The following LTBP4 variants were observed in gnomAD, a reference collection of about 807,000 sequenced individuals.
LTBP4 encodes latent-transforming growth factor beta-binding protein 4.
A neutral mutation model predicts 180.2 loss-of-function variants in LTBP4; 93 were observed. The observed-to-expected ratio is 0.52, with a 90% confidence interval of 0.44 to 0.61. The LOEUF (loss-of-function observed/expected upper bound fraction) is 0.61. Among genes scored for constraint, LTBP4 ranks in the 20% least tolerant of loss-of-function variants. The pLI is 0.00. For synonymous variants in LTBP4, 947 were observed against 934.5 expected (o/e 1.01, Z -0.24); for missense variants, 2,116 against 2,256.5 (o/e 0.94, Z 1.26).
chr19:40,607,569 A>C (rs1306693729), intron 7 of LTBP4, 40 bp downstream of exon 7: 2 of 1,550,454 alleles, frequency 1.3e-6, no homozygotes, highest in East Asian at 4.7e-5. Flanking sequence ...CGCGCAACAC[A>C]TGTGGCGCTC....
At chr19:40,599,622 G>A, upstream of LTBP4, 1 of 1,496,372 alleles carries the variant, frequency 6.7e-7, no homozygotes, top group Non-Finnish European at 9.1e-7. Context: ...CCCCGTTTCC[G>A]CTCCTCCTCC....
In LTBP4 at chr19:40,611,061, G is replaced by A; in HGVS notation, c.1811-91G>A. 2 of 1,545,666 alleles carry A rather than the reference G, an allele frequency of 1.3e-6. No individual in the cohort carries two copies. The highest frequency in any genetic ancestry group is 1.8e-6 in the Non-Finnish European group (2 of 1,127,654). The stretch of plus-strand genomic sequence containing the variant: ...AAGGAGGAATAGAGATGGGGTCACG[G>A]GGACAGAATGTTGGAGGGTGGAAAG... On this transcript the variant is annotated intron_variant, in intron 12 of 29. Transcript: ENST00000396819. The surrounding 1 kb of genome is among the most constrained non-coding windows in gnomAD (Gnocchi z 4.4).
chr19:40,624,164 C>T (rs2081608204), intron 26 of LTBP4, 82 bp downstream of exon 26: 1 of 1,427,202 alleles, frequency 7.0e-7, no homozygotes, highest in South Asian at 1.4e-5. Context: ...TTGCGACGGC[C>T]ACGCCCTCCG....
intron 21 of LTBP4, among the ~76,000 whole-genome samples, chr19:40,617,608 C>T (rs2081559488): frequency 6.8e-6 from 1 of 146,884 alleles, no homozygotes; most frequent in Non-Finnish European, 1.5e-5. Flanking sequence ...TGTGCAATTG[C>T]ACTCCAGCCT....
At chr19:40,608,092 C>G in intron 7 of LTBP4, 128 bp from the exon 8 acceptor site, 1 of 985,464 alleles carries the variant, frequency 1.0e-6, no homozygotes, top group Non-Finnish European at 1.5e-6. Context: ...CACCCCATCC[C>G]AGCCTCCAGC....
Position 40,611,220 on chromosome 19 carries a change from T to G in LTBP4, c.1879T>G (p.Phe627Val). ...GGCCTGCAAGAACCTGCCTGGCTCT[T>G]TCCGCTGTGTTTGCCCGGCTGGCTT... ...RGACKNLPGS[F>V]RCVCPAGFRG... Residue 627 changes from phenylalanine to valine, a missense_variant, in exon 13 of 30, where the codon TTC becomes GTC. This residue lies in a region of LTBP4 where 877 missense variants were observed against 873.6 expected (regional missense o/e 1.00). Coordinates refer to ENST00000396819, the MANE Select transcript of LTBP4 (RefSeq NM_001042545.2). This position sits in a 1 kb window ranked among gnomAD's most constrained non-coding sequence, Gnocchi z 4.4. 6.2e-7 allele frequency: 1 copy of G among 1,613,694 alleles called. No individual in the cohort carries two copies. The highest frequency in any genetic ancestry group is 8.5e-7 in the Non-Finnish European group (1 of 1,179,802).
intron 6 of LTBP4, among the ~76,000 whole-genome samples, chr19:40,607,014 G>C (rs2081467628): frequency 6.6e-6 from 1 of 152,180 alleles, no homozygotes; most frequent in African/African-American, 2.4e-5. Flanking sequence ...GCCTCCCAAA[G>C]TGCTGGGATT....
chr19:40,622,297 C>T lies in LTBP4; in HGVS notation c.3218-104C>T. ...GTCTGGTTCTGCCACTGATGGCTGC[C>T]ACCCTCTGTTTCCCTATCTATGCCA... is the stretch of plus-strand genomic sequence containing the variant. On this transcript the variant is annotated intron_variant, in intron 22 of 29. Coordinates refer to ENST00000396819, the MANE Select transcript of LTBP4 (RefSeq NM_001042545.2). This position sits in a 1 kb window ranked among gnomAD's most constrained non-coding sequence, Gnocchi z 5.1. The T allele has an allele frequency of 1.5e-6, 2 of 1,308,132 alleles. No homozygotes were observed. 81.0% of individuals were successfully genotyped at this position (1,308,132 alleles called of 1,614,324 possible).
chr19:40,600,020 G>A, upstream of LTBP4: 4 of 1,024,742 alleles, frequency 3.9e-6, no homozygotes, highest in Admixed American at 4.0e-5. The surrounding 1 kb of genome is among the most constrained non-coding windows in gnomAD (Gnocchi z 4.4). Flanking sequence ...TTGGTGGGGA[G>A]GTCAGTTTAA....
intron 24 of LTBP4, 35 bp downstream of exon 24, chr19:40,623,056 C>A: frequency 1.3e-6 from 2 of 1,527,966 alleles, no homozygotes; most frequent in Non-Finnish European, 8.9e-7. Flanking sequence ...CCCCACTCAG[C>A]TCTGAGGCCC....
At chr19:40,623,165 CTTTT>C (rs2081598969) in intron 24 of LTBP4, 144 bp downstream of exon 24, 6 of 509,704 alleles carry the variant, frequency 1.2e-5, no homozygotes, top group South Asian at 4.1e-5. Flanking sequence ...CTCTTTCTTT[CTTTT>C]CTTTCTTTTT....
At chr19:40,614,078 A>T in intron 18 of LTBP4, 40 bp downstream of exon 18, 5 of 1,595,220 alleles carry the variant, frequency 3.1e-6, no homozygotes, top group Non-Finnish European at 4.3e-6. Flanking sequence ...CCTCCCTTCG[A>T]CTCCCCGACT....
Position 40,625,285 on chromosome 19 carries a change from TATATATATATATA to T in LTBP4, c.3833-571_3833-559del, listed in dbSNP as rs1568414426. The stretch of plus-strand genomic sequence containing the variant: ...ATATATATATATATATATATATATA[TATATATATATATA>T]TATATATATATATATATATTTTTTT... On this transcript the variant is annotated intron_variant, in intron 26 of 29. Coordinates refer to ENST00000396819, the MANE Select transcript of LTBP4 (RefSeq NM_001042545.2). 8.6e-4 allele frequency among the ~76,000 whole-genome samples: 8 copies of T among 9,282 alleles called. 1 individual carries two copies. The highest frequency in any genetic ancestry group is 7.0e-3 in the African/African-American group (5 of 718). 6.1% of individuals were successfully genotyped at this position (9,282 alleles called of 152,430 possible).
At chr19:40,625,303 TA>T (rs1275204565) in intron 26 of LTBP4, among the ~76,000 whole-genome samples, 446 of 20,828 alleles carry the variant, frequency 0.021, 101 homozygotes, top group Admixed American at 0.029. Flanking sequence ...TATATATATA[TA>T]TATATATATA....
chr19:40,605,068 T>C lies in LTBP4; in HGVS notation c.284T>C (p.Val95Ala), dbSNP rs200888669. 919 of 1,613,768 alleles carry C rather than the reference T, an allele frequency of 5.7e-4. 1 individual carries two copies. The highest frequency in any genetic ancestry group is 7.1e-4 in the Non-Finnish European group (837 of 1,179,776). The stretch of plus-strand genomic sequence containing the variant: ...CCCTTGATCTGTCACAATGGCGGTG[T>C]GTGCGTGAAGCCTGACCGCTGCCTC... ...LCPLICHNGG[V>A]CVKPDRCLCP... The change falls in exon 2 of 30, where the codon GTG becomes GCG. Residue 95 changes from valine to alanine, a missense_variant. Coordinates refer to ENST00000396819, the MANE Select transcript of LTBP4 (RefSeq NM_001042545.2). This position sits in a 1 kb window ranked among gnomAD's most constrained non-coding sequence, Gnocchi z 5.5.
chr19:40,628,349 G>C (rs1405224254), intron 29 of LTBP4, among the ~76,000 whole-genome samples: 1 of 152,152 alleles, frequency 6.6e-6, no homozygotes, highest in Non-Finnish European at 1.5e-5. Context: ...GACCAGCCTG[G>C]CCAATATGGT....
chr19:40,624,129 TCA>T, intron 26 of LTBP4, 47 bp downstream of exon 26: 1 of 1,477,506 alleles, frequency 6.8e-7, no homozygotes, highest in Non-Finnish European at 9.0e-7. Flanking sequence ...TGGCTCGGCC[TCA>T]CACCCGCACC....
At chr19:40,625,252 T>TTATA (rs71173663) in intron 26 of LTBP4, among the ~76,000 whole-genome samples, 2 of 44,022 alleles carry the variant, frequency 4.5e-5, no homozygotes, top group Non-Finnish European at 8.4e-5. Flanking sequence ...ATTTTTGTAT[T>TTATA]TATATATATA....
intron 6 of LTBP4, 141 bp from the exon 7 acceptor site, chr19:40,607,224 C>T (rs983799402): frequency 1.5e-5 from 11 of 735,296 alleles, no homozygotes; most frequent in Non-Finnish European, 2.5e-5. Context: ...CCTTCAGACC[C>T]TCTCAGACCT....
Sources: gnomAD v4.1 joint callset for allele counts (sites outside exome capture counted in the v4.1 genomes callset) on GRCh38, gnomAD v4.1.1 for gene constraint, gnomAD v4.1.1 regional missense constraint, Gnocchi (gnomAD v3.1) non-coding constraint, MANE v1.5 for transcripts, NCBI Gene and HGNC (gene_info 2026-07-23, HGNC 2026-07-21) for gene names.